The following ASMTL variants were observed in gnomAD, a reference collection of about 807,000 sequenced individuals.
ASMTL encodes probable bifunctional dTTP/UTP pyrophosphatase/methyltransferase protein.
Under a neutral mutation model 60.3 loss-of-function variants are expected in ASMTL, and 57 were observed. The observed-to-expected ratio is 0.95, with a 90% CI of 0.76 to 1.18. ASMTL has a LOEUF of 1.18. Among genes scored for constraint, ASMTL ranks in the 50% most tolerant of loss-of-function variants. The probability of loss-of-function intolerance (pLI) is 0.00; values close to 1 mark genes in which losing one functional copy is unlikely to be tolerated. For missense variants in ASMTL, 981 were observed against 852.6 expected, an observed-to-expected ratio of 1.15 and a Z score of -1.88; for synonymous variants, 419 against 373.0, an observed-to-expected ratio of 1.12 and a Z score of -1.42.
At chrX:1,435,650 T>G in intron 4 of ASMTL, 44 bp downstream of exon 4, 4 of 1,599,624 alleles carry the variant, frequency 2.5e-6, no homozygotes, top group Non-Finnish European at 3.4e-6. Context: ...AGCTACTCTG[T>G]GGCTCAGAAC....
Position 1,418,013 on chromosome X carries a change from T to C in ASMTL, c.1482A>G (p.Gln494=), listed in dbSNP as rs780780970. ...PDIIELAAHF[Q]PPGPQAVQIH... Reference sequence around the variant, plus strand: ...TCTGCACTGCCTGCGGTCCGGGGGGTTGGAAGTGGGCGGCCAGCTCGATAA... The same window carrying C: ...TCTGCACTGCCTGCGGTCCGGGGGGCTGGAAGTGGGCGGCCAGCTCGATAA... The change falls in exon 11 of 13, where the codon CAA becomes CAG. Residue 494 remains glutamine (Q), a synonymous_variant. Coordinates refer to ENST00000381317, the MANE Select transcript of ASMTL (RefSeq NM_004192.4). The C allele has an allele frequency of 1.2e-5, 20 of 1,611,812 alleles. No individual in the cohort carries two copies. The highest frequency in any genetic ancestry group is 1.5e-5 in the Non-Finnish European group (18 of 1,179,098).
chrX:1,408,068 ACAAAT>A (rs1569531046), intron 12 of ASMTL, among the ~76,000 whole-genome samples: 3 of 150,872 alleles, frequency 2.0e-5, no homozygotes, highest in Non-Finnish European at 2.9e-5. Context: ...GGGCATGATA[ACAAAT>A]GCTGGTACTC....
intron 6 of ASMTL, among the ~76,000 whole-genome samples, chrX:1,428,991 G>C (rs2090698011): frequency 6.6e-6 from 1 of 151,496 alleles, no homozygotes; most frequent in Admixed American, 6.6e-5. Context: ...CCGCCTCCTG[G>C]GTTCAAGCGA....
intron 1 of ASMTL, among the ~76,000 whole-genome samples, chrX:1,451,088 C>T (rs1185531767): frequency 7.0e-6 from 1 of 141,964 alleles, no homozygotes; most frequent in Non-Finnish European, 1.5e-5. Flanking sequence ...CCGGATCACT[C>T]TCCCCTCCCC....
chrX:1,453,199 C>A (rs1363012748), upstream of ASMTL, among the ~76,000 whole-genome samples: 1 of 151,536 alleles, frequency 6.6e-6, no homozygotes, highest in African/African-American at 2.4e-5. Context: ...TTGCCCTCTC[C>A]GCCAGGCCAC....
At chrX:1,410,588 A>G (rs1339138431) in intron 12 of ASMTL, among the ~76,000 whole-genome samples, 4 of 151,914 alleles carry the variant, frequency 2.6e-5, no homozygotes, top group Admixed American at 1.3e-4. Context: ...TAATTTTTGT[A>G]TTTTTAGTAG....
In ASMTL at chrX:1,424,238, G is replaced by A. The variant is rs1165695068; in HGVS notation, c.1060+1287C>T. Among the ~76,000 whole-genome samples, 298 of 69,170 alleles carry A rather than the reference G, an allele frequency of 4.3e-3. 2 individuals carry two copies. Among genetic ancestry groups the A allele is most frequent in the African/African-American group, 0.015 (272 of 17,680 alleles). The allele number at this position is 69,170 out of a possible 152,430, so 45.4% of individuals were successfully genotyped here. ...CCATCATCCACCCAGCCATGCACCCGTCCATCCATTCATGCACTCATCCAC... is the reference window on the plus strand; with the variant it reads ...CCATCATCCACCCAGCCATGCACCCATCCATCCATTCATGCACTCATCCAC... On this transcript the variant is annotated intron_variant, in intron 8 of 12. Coordinates refer to ENST00000381317, the MANE Select transcript of ASMTL (RefSeq NM_004192.4).
intron 6 of ASMTL, among the ~76,000 whole-genome samples, chrX:1,430,253 C>T (rs1269963340): frequency 6.6e-6 from 1 of 152,064 alleles, no homozygotes; most frequent in Admixed American, 6.6e-5. Context: ...CTCAGGTGAT[C>T]CGCCTGCCTC....
intron 1 of ASMTL, among the ~76,000 whole-genome samples, chrX:1,442,982 C>G (rs1251125556): frequency 6.6e-6 from 1 of 152,236 alleles, no homozygotes; most frequent in Non-Finnish European, 1.5e-5. Context: ...TCTGACAGAG[C>G]AAAAGCATCG....
At chrX:1,425,268 A>T (rs2090587276) in intron 8 of ASMTL, among the ~76,000 whole-genome samples, 1 of 152,248 alleles carries the variant, frequency 6.6e-6, no homozygotes, top group Admixed American at 6.5e-5. Flanking sequence ...TCTCAGGAGA[A>T]CATGGACTGA....
chrX:1,439,160 A>G lies in ASMTL; in HGVS notation c.226-16T>C, dbSNP rs772927961. The G allele has an allele frequency of 6.2e-7, 1 of 1,613,932 alleles. No individual in the cohort carries two copies. Among genetic ancestry groups the G allele is most frequent in the Non-Finnish European group, 8.5e-7 (1 of 1,179,792 alleles). ...GCAGGTCTTTCTGTAAGAAAACCAG[A>G]TTCCGGTTTACCGGTGACGTGCCGT... is the stretch of plus-strand genomic sequence containing the variant. On this transcript the variant is annotated splice_polypyrimidine_tract_variant and intron_variant, in intron 2 of 12. Coordinates refer to ENST00000381317, the MANE Select transcript of ASMTL (RefSeq NM_004192.4).
At chrX:1,437,386 T>C (rs1486389361) in intron 3 of ASMTL, among the ~76,000 whole-genome samples, 5 of 148,628 alleles carry the variant, frequency 3.4e-5, no homozygotes, top group African/African-American at 1.3e-4. Flanking sequence ...ACATTGATTC[T>C]TCCATAATCC....
In ASMTL at chrX:1,452,788, G is replaced by A; in HGVS notation, c.53C>T (p.Ala18Val). 3 of 1,597,282 alleles carry A rather than the reference G, an allele frequency of 1.9e-6. No homozygotes were observed. Among genetic ancestry groups the A allele is most frequent in the South Asian group, 2.2e-5 (2 of 89,782 alleles). The change falls in exon 1 of 13, where the codon GCC (alanine) becomes GTC (valine). Residue 18 changes from alanine (A) to valine (V), a missense_variant. Physicochemically the swap from Ala to Val is moderately conservative, Grantham distance 64. Coordinates refer to ENST00000381317, the MANE Select transcript of ASMTL (RefSeq NM_004192.4). ...GKLLHKRVVL[A>V]SASPRRQEIL... ...CTCCTGACGGCGTGGGGAGGCGCTG[G>A]CCAGCACCACGCGCTTGTGCAGCAG... is the stretch of plus-strand genomic sequence containing the variant.
chrX:1,411,625 C>CTGACACTTCAGCAACACGGCTGTAAAG (rs2090024979), intron 12 of ASMTL, among the ~76,000 whole-genome samples: 1 of 24,752 alleles, frequency 4.0e-5, no homozygotes, highest in African/African-American at 2.8e-4. Flanking sequence ...TTAGATCCAG[C>CTGACACTTCAGCAACACGGCTGTAAAG]TGCAGAGTCC....
At chrX:1,416,607 A>G (rs1481145179) in intron 11 of ASMTL, among the ~76,000 whole-genome samples, 1 of 151,844 alleles carries the variant, frequency 6.6e-6, no homozygotes, top group East Asian at 1.9e-4. Context: ...ATATACCCAC[A>G]CAGACGCACA....
chrX:1,452,910 CA>C (rs757005962), upstream of ASMTL: 60 of 1,242,680 alleles, frequency 4.8e-5, no homozygotes, highest in East Asian at 1.2e-4. Flanking sequence ...AGCGCGGCTG[CA>C]AAAAAAACAG....
intron 6 of ASMTL, 95 bp from the exon 7 acceptor site, chrX:1,428,216 G>A: frequency 1.4e-6 from 2 of 1,442,848 alleles, no homozygotes; most frequent in Non-Finnish European, 9.3e-7. Flanking sequence ...GGTGGATCAC[G>A]AGGTCGGGAG....
chrX:1,416,764 TGCACACACAGACGTACACACAA>T (rs2090292417), intron 11 of ASMTL, among the ~76,000 whole-genome samples: 1 of 88,266 alleles, frequency 1.1e-5, no homozygotes, highest in African/African-American at 4.0e-5. Flanking sequence ...CACAGACACA[TGCACACACAGACGTACACACAA>T]GCACAGCAGT....
At position 1,434,809 on chromosome X, in the gene ASMTL, AAG is replaced by A. The variant is rs1376397762; in HGVS notation, c.400+211_400+212del. On this transcript the variant is annotated intron_variant, in intron 5 of 12. Coordinates refer to ENST00000381317, the MANE Select transcript of ASMTL (RefSeq NM_004192.4). Reference sequence around the variant, plus strand: ...GACTCCATCTCAAAAAAAAAAAAAAAAGAAAGAAAAAGAAAAAGATAAAACCA... The same window carrying A: ...GACTCCATCTCAAAAAAAAAAAAAAAAAAGAAAAAGAAAAAGATAAAACCA... 3.4e-5 allele frequency among the ~76,000 whole-genome samples: 5 copies of A among 148,204 alleles called. No homozygotes were observed. The South Asian group carries it at 1.1e-3, about 32-fold the overall frequency.
Sources: gnomAD v4.1 joint callset for allele counts (sites outside exome capture counted in the v4.1 genomes callset) on GRCh38, gnomAD v4.1.1 for gene constraint, MANE v1.5 for transcripts, NCBI Gene and HGNC (gene_info 2026-07-23, HGNC 2026-07-21) for gene names.